BAIAP2L2: variants seen among roughly 807,000 people sequenced by gnomAD.
The protein encoded by BAIAP2L2 is BAR/IMD domain containing adaptor protein 2 like 2, also known as BAR/IMD domain-containing adapter protein 2-like 2.
A neutral mutation model predicts 60.4 loss-of-function variants in BAIAP2L2; 65 were observed. The ratio of observed to expected loss-of-function variants is 1.08; its 90% CI spans 0.88 to 1.32. The LOEUF (loss-of-function observed/expected upper bound fraction) is 1.32. Among genes scored for constraint, BAIAP2L2 ranks in the 40% most tolerant of loss-of-function variants. The pLI, the probability that BAIAP2L2 is intolerant of heterozygous loss-of-function variation, is 0.00. For synonymous variants in BAIAP2L2, 344 were observed against 301.7 expected (o/e 1.14, Z -1.45); for missense variants, 836 against 741.2 (o/e 1.13, Z -1.48).
At chr22:38,089,428 G>A (rs2086221579) in intron 8 of BAIAP2L2, 94 bp downstream of exon 8, 1 of 687,432 alleles carries the variant, frequency 1.5e-6, no homozygotes, top group Non-Finnish European at 2.0e-6. Flanking sequence ...GGGAGCCTGG[G>A]GGGCAGGAGG....
intron 1 of BAIAP2L2, 36 bp from the exon 2 acceptor site, chr22:38,109,244 A>T: frequency 6.5e-7 from 1 of 1,540,960 alleles, no homozygotes; most frequent in Admixed American, 1.7e-5. Context: ...AAAGGTGTAG[A>T]GATGGGGGAG....
intron 2 of BAIAP2L2, 86 bp downstream of exon 2, chr22:38,109,047 G>T: frequency 1.8e-6 from 2 of 1,131,110 alleles, no homozygotes; most frequent in Non-Finnish European, 2.6e-6. Flanking sequence ...AACAGGTGTG[G>T]GATGCAGAGA....
intron 7 of BAIAP2L2, among the ~76,000 whole-genome samples, chr22:38,095,020 C>G (rs1487809368): frequency 6.6e-6 from 1 of 152,036 alleles, no homozygotes. Context: ...GGCATGGTGG[C>G]GCACACCTGT....
chr22:38,110,604 C>T lies in BAIAP2L2; in HGVS notation c.-79G>A. The T allele has an allele frequency of 8.1e-7, 1 of 1,238,084 alleles. No individual in the cohort carries two copies. Among genetic ancestry groups the T allele is most frequent in the Non-Finnish European group, 1.1e-6 (1 of 886,606 alleles). 76.7% of individuals were successfully genotyped at this position (1,238,084 alleles called of 1,614,324 possible). A position where few individuals can be genotyped will look rare whatever the true frequency, so the allele number is the denominator to read the frequency against. ...AGCCGGGAGCAGTGGTAGGTAGTCCCTCAGGTGCCCACGACTCAGCTGGCA... is the reference window on the plus strand; with the variant it reads ...AGCCGGGAGCAGTGGTAGGTAGTCCTTCAGGTGCCCACGACTCAGCTGGCA... On this transcript the variant is annotated 5_prime_UTR_variant, in exon 1 of 14. Transcript: ENST00000381669.
At chr22:38,107,795 G>A in intron 4 of BAIAP2L2, 57 bp downstream of exon 4, 1 of 1,533,282 alleles carries the variant, frequency 6.5e-7, no homozygotes, top group Non-Finnish European at 9.0e-7. Flanking sequence ...CCCTCTCCTT[G>A]GAACATAGCC....
intron 6 of BAIAP2L2, 46 bp downstream of exon 6, chr22:38,098,017 G>GGCCCC: frequency 1.3e-5 from 10 of 741,774 alleles, no homozygotes; most frequent in Non-Finnish European, 2.0e-5. Context: ...CCCGAGGTCT[G>GGCCCC]CCCACCCGCC....
intron 4 of BAIAP2L2, among the ~76,000 whole-genome samples, chr22:38,101,055 A>G (rs1422921318): frequency 6.6e-6 from 1 of 152,220 alleles, no homozygotes; most frequent in East Asian, 1.9e-4. Context: ...CAGGGCATAC[A>G]ATTGTCAAAA....
intron 7 of BAIAP2L2, among the ~76,000 whole-genome samples, chr22:38,094,900 C>T (rs1009571869): frequency 1.3e-5 from 2 of 152,102 alleles, no homozygotes; most frequent in African/African-American, 2.4e-5. Context: ...GCCTGTAATG[C>T]CAGCACTTTG....
intron 7 of BAIAP2L2, among the ~76,000 whole-genome samples, chr22:38,091,785 A>C (rs1239953615): frequency 6.6e-6 from 1 of 152,222 alleles, no homozygotes; most frequent in African/African-American, 2.4e-5. Flanking sequence ...TCACCAAGAA[A>C]AAGCTGGTTT....
In BAIAP2L2 at chr22:38,087,148, T is replaced by TTCCCGGGGTTCATGGGTG; in HGVS notation, c.1234_1235insCACCCATGAACCCCGGGA (p.Met411_Asn412insThrProMetAsnProGly). On this transcript the variant is annotated inframe_insertion, in exon 11 of 14. Coordinates refer to ENST00000381669, the MANE Select transcript of BAIAP2L2 (RefSeq NM_025045.6). ...CCTGGAAGGCAGCTCGTTCCCGGGG[T>TTCCCGGGGTTCATGGGTG]TCATGGGTGTCATGGGGGACATGGA... 6.3e-7 allele frequency: 1 copy of TTCCCGGGGTTCATGGGTG among 1,591,928 alleles called. No individual in the cohort carries two copies. Among genetic ancestry groups the TTCCCGGGGTTCATGGGTG allele is most frequent in the Non-Finnish European group, 8.5e-7 (1 of 1,170,880 alleles).
chr22:38,096,530 C>A (rs577092586), intron 7 of BAIAP2L2, among the ~76,000 whole-genome samples: 6 of 152,222 alleles, frequency 3.9e-5, no homozygotes, highest in Non-Finnish European at 8.8e-5. Flanking sequence ...TAGCACATGC[C>A]TGTAGTCCCA....
At chr22:38,091,336 G>A (rs1046738257) in intron 7 of BAIAP2L2, 1 of 152,228 alleles carries the variant, frequency 6.6e-6, no homozygotes, top group Non-Finnish European at 1.5e-5. Flanking sequence ...GATTACAGGT[G>A]TGAGCCACTG....
chr22:38,089,148 G>C lies in BAIAP2L2; in HGVS notation c.849C>G (p.Pro283=). 3.0e-6 allele frequency: 4 copies of C among 1,343,582 alleles called. No homozygotes were observed. The highest frequency in any genetic ancestry group is 3.8e-6 in the Non-Finnish European group (4 of 1,052,120). 83.2% of individuals were successfully genotyped at this position (1,343,582 alleles called of 1,614,324 possible). A position where few individuals can be genotyped will look rare whatever the true frequency, so the allele number is the denominator to read the frequency against. Residue 283 remains proline, a synonymous_variant, in exon 9 of 14, where the codon CCC becomes CCG. Coordinates refer to ENST00000381669, the MANE Select transcript of BAIAP2L2 (RefSeq NM_025045.6). ...GSYGTEPDAR[P]ASQLEPDRRS... ...GACGGTCTGGCTCTAGCTGGGACGCGGGCCTCGCGTCGGGCTCGGTGCCGT... is the reference window on the plus strand; with the variant it reads ...GACGGTCTGGCTCTAGCTGGGACGCCGGCCTCGCGTCGGGCTCGGTGCCGT...
chr22:38,092,362 T>C (rs1602005352), intron 7 of BAIAP2L2, among the ~76,000 whole-genome samples: 1 of 152,160 alleles, frequency 6.6e-6, no homozygotes, highest in Non-Finnish European at 1.5e-5. Flanking sequence ...CTGCAACCTC[T>C]GCCTCCCGGG....
intron 7 of BAIAP2L2, chr22:38,091,603 A>T (rs1352907671): frequency 6.6e-6 from 1 of 152,192 alleles, no homozygotes; most frequent in Non-Finnish European, 1.5e-5. Flanking sequence ...CATGGGAAAA[A>T]TTTTAAAAAT....
intron 4 of BAIAP2L2, among the ~76,000 whole-genome samples, chr22:38,103,556 G>A (rs930080667): frequency 1.3e-5 from 2 of 152,126 alleles, no homozygotes; most frequent in African/African-American, 4.8e-5. Flanking sequence ...AAGGACTCAG[G>A]AGGCAGATTA....
At chr22:38,104,750 C>T (rs1413959685) in intron 4 of BAIAP2L2, among the ~76,000 whole-genome samples, 1 of 152,116 alleles carries the variant, frequency 6.6e-6, no homozygotes, top group African/African-American at 2.4e-5. Context: ...CCTGCCTTGG[C>T]CTCCCAAAGT....
At chr22:38,110,270 C>A (rs2086813808) in intron 1 of BAIAP2L2, among the ~76,000 whole-genome samples, 1 of 151,546 alleles carries the variant, frequency 6.6e-6, no homozygotes, top group Non-Finnish European at 1.5e-5. Context: ...CCTTGTCCAG[C>A]ATCTGGGAGT....
intron 7 of BAIAP2L2, among the ~76,000 whole-genome samples, chr22:38,096,420 C>G (rs777167185): frequency 6.6e-6 from 1 of 152,038 alleles, no homozygotes; most frequent in African/African-American, 2.4e-5. Context: ...TTTGGGAGGC[C>G]GAAGCAGGCA....
Sources: gnomAD v4.1 joint callset for allele counts (sites outside exome capture counted in the v4.1 genomes callset) on GRCh38, gnomAD v4.1.1 for gene constraint, MANE v1.5 for transcripts, NCBI Gene and HGNC (gene_info 2026-07-23, HGNC 2026-07-21) for gene names.